Variants in LGSN observed in about 807,000 individuals in gnomAD.
LGSN encodes the protein lengsin.
In LGSN, 21 loss-of-function variants were observed where a neutral mutation model predicts 19.5. The ratio of observed to expected loss-of-function variants is 1.07; its 90% CI spans 0.76 to 1.55. The LOEUF is 1.55. LGSN is among the 40% of genes most tolerant of loss of function. The pLI is 0.00. For missense variants in LGSN, 673 were observed against 608.5 expected, an observed-to-expected ratio of 1.11 and a Z score of -1.12; for synonymous variants, 257 against 215.6, an observed-to-expected ratio of 1.19 and a Z score of -1.68.
the LGSN span, among the ~76,000 whole-genome samples, chr6:63,384,727 A>G: frequency 8.5e-5 from 13 of 152,130 alleles, no homozygotes; most frequent in African/African-American, 3.1e-4. Flanking sequence ...ATGTTGGTCA[A>G]GCTAGCTGGT....
At chr6:63,320,224 G>A (rs1413090284), upstream of LGSN, among the ~76,000 whole-genome samples, 3 of 152,124 alleles carry the variant, frequency 2.0e-5, no homozygotes, top group African/African-American at 7.2e-5. Context: ...AATTGTGTTG[G>A]TTGATTTTTT....
chr6:63,382,142 C>T, the LGSN span, among the ~76,000 whole-genome samples: 1 of 152,246 alleles, frequency 6.6e-6, no homozygotes, highest in East Asian at 1.9e-4. Flanking sequence ...ATTTCCTCTA[C>T]AAAATGTATT....
the LGSN span, among the ~76,000 whole-genome samples, chr6:63,427,355 CAT>C: frequency 2.6e-5 from 4 of 151,940 alleles, no homozygotes; most frequent in East Asian, 5.8e-4. Flanking sequence ...CCCTCTTTTT[CAT>C]AGTTACTTTT....
At chr6:63,452,164 A>AT in the LGSN span, among the ~76,000 whole-genome samples, 7 of 150,440 alleles carry the variant, frequency 4.7e-5, no homozygotes, top group African/African-American at 1.7e-4. Context: ...GAGAATTAGT[A>AT]TTTTTTCTTT....
At chr6:63,462,570 G>A in the LGSN span, among the ~76,000 whole-genome samples, 1 of 152,194 alleles carries the variant, frequency 6.6e-6, no homozygotes, top group Non-Finnish European at 1.5e-5. Flanking sequence ...CTGAGACAGA[G>A]GTTGCAGTGA....
chr6:63,500,715 C>G, the LGSN span, among the ~76,000 whole-genome samples: 1 of 151,438 alleles, frequency 6.6e-6, no homozygotes, highest in Admixed American at 6.6e-5. Context: ...GCCATCACAC[C>G]TGGCAATTAG....
the LGSN span, among the ~76,000 whole-genome samples, chr6:63,326,263 G>T: frequency 6.6e-6 from 1 of 152,114 alleles, no homozygotes; most frequent in Non-Finnish European, 1.5e-5. Context: ...GATACAAGGT[G>T]CTGATTGGTG....
At chr6:63,544,955 A>G in the LGSN span, among the ~76,000 whole-genome samples, 1 of 152,156 alleles carries the variant, frequency 6.6e-6, no homozygotes, top group Admixed American at 6.5e-5. Flanking sequence ...ACCATATTGC[A>G]TATCAAACTT....
the LGSN span, among the ~76,000 whole-genome samples, chr6:63,525,239 A>T: frequency 6.6e-6 from 1 of 152,164 alleles, no homozygotes; most frequent in African/African-American, 2.4e-5. Flanking sequence ...GCTAGTTATT[A>T]GTACTCTTTC....
chr6:63,290,581 G>A (rs142548660), intron 2 of LGSN, among the ~76,000 whole-genome samples: 100 of 152,216 alleles, frequency 6.6e-4, no homozygotes, highest in African/African-American at 2.2e-3. Flanking sequence ...GGCAACCCTG[G>A]GTAGGTATTT....
chr6:63,573,522 T>TCGGGCGCACACAGCCGCGTGCG, the LGSN span: 14 of 152,278 alleles, frequency 9.2e-5, no homozygotes, highest in East Asian at 1.6e-3. Context: ...GCGGGCGTGC[T>TCGGGCGCACACAGCCGCGTGCG]CGGGCGCACA....
the LGSN span, among the ~76,000 whole-genome samples, chr6:63,336,475 G>A: frequency 6.6e-6 from 1 of 150,660 alleles, no homozygotes; most frequent in African/African-American, 2.4e-5. Context: ...CTCCCATGCT[G>A]TAATTGTAAT....
chr6:63,481,755 C>T, the LGSN span: 3 of 255,162 alleles, frequency 1.2e-5, no homozygotes, highest in South Asian at 9.8e-5. Context: ...CAGTGGGATA[C>T]GGAATTTTAA....
At chr6:63,304,422 G>T (rs11756146) in intron 1 of LGSN, among the ~76,000 whole-genome samples, 1 of 152,240 alleles carries the variant, frequency 6.6e-6, no homozygotes, top group Non-Finnish European at 1.5e-5. Context: ...TCTTGCTAAA[G>T]TTGTGCTAGA....
the LGSN span, among the ~76,000 whole-genome samples, chr6:63,356,755 A>C: frequency 6.6e-6 from 1 of 152,076 alleles, no homozygotes; most frequent in Non-Finnish European, 1.5e-5. Context: ...AAGTGCCAAA[A>C]CTGCAACATG....
chr6:63,282,331 C>T (rs1187839253), intron 3 of LGSN, among the ~76,000 whole-genome samples: 2 of 152,220 alleles, frequency 1.3e-5, no homozygotes, highest in Admixed American at 6.5e-5. Context: ...GCAAGCCAGA[C>T]ACTTTCCTTT....
At chr6:63,556,600 G>A in the LGSN span, among the ~76,000 whole-genome samples, 3 of 152,160 alleles carry the variant, frequency 2.0e-5, no homozygotes, top group Non-Finnish European at 4.4e-5. Context: ...GATACCACAG[G>A]GGAAGTTAAG....
At chr6:63,490,050 C>A in the LGSN span, among the ~76,000 whole-genome samples, 1 of 152,078 alleles carries the variant, frequency 6.6e-6, no homozygotes, top group Non-Finnish European at 1.5e-5. Flanking sequence ...TGAGAAAATG[C>A]TATCTATTTT....
chr6:63,377,696 T>G, the LGSN span, among the ~76,000 whole-genome samples: 1 of 151,886 alleles, frequency 6.6e-6, no homozygotes, highest in Non-Finnish European at 1.5e-5. Flanking sequence ...GAGGATCACT[T>G]AAGGTCAGGA....
Sources: gnomAD v4.1 joint callset for allele counts (sites outside exome capture counted in the v4.1 genomes callset) on GRCh38, gnomAD v4.1.1 for gene constraint, MANE v1.5 for transcripts, NCBI Gene and HGNC (gene_info 2026-07-23, HGNC 2026-07-21) for gene names.